CSTPP1: variants seen among roughly 807,000 people sequenced by gnomAD.
The protein encoded by CSTPP1 is UPF0705 protein C11orf49.
chr11:47,110,391 CAGAG>C, the CSTPP1 span, among the ~76,000 whole-genome samples: 18 of 152,148 alleles, frequency 1.2e-4, no homozygotes, highest in Non-Finnish European at 1.9e-4. Flanking sequence ...GGCAGACAGA[CAGAG>C]AGTTTGAGGA....
At chr11:47,026,613 C>A in the CSTPP1 span, among the ~76,000 whole-genome samples, 1 of 152,140 alleles carries the variant, frequency 6.6e-6, no homozygotes, top group African/African-American at 2.4e-5. Context: ...CACGGTGGCT[C>A]ATGCCTGTAA....
At chr11:47,016,349 A>G in the CSTPP1 span, among the ~76,000 whole-genome samples, 2 of 151,356 alleles carry the variant, frequency 1.3e-5, no homozygotes, top group Non-Finnish European at 2.9e-5. Context: ...GTTTGTTCAC[A>G]TAGGACATGA....
At chr11:47,103,399 C>CA in the CSTPP1 span, among the ~76,000 whole-genome samples, 72,121 of 130,872 alleles carry the variant, frequency 0.55, 21,074 homozygotes, top group Non-Finnish European at 0.68. Flanking sequence ...GACCCTGTCT[C>CA]AAAAAAAAAA....
chr11:47,138,912 G>A, the CSTPP1 span, among the ~76,000 whole-genome samples: 11 of 148,396 alleles, frequency 7.4e-5, 1 homozygote, highest in East Asian at 2.1e-4. Context: ...CCTGGGAGGC[G>A]GAGGTTGCAG....
the CSTPP1 span, chr11:46,987,547 T>C: frequency 6.1e-5 from 27 of 439,070 alleles, no homozygotes; most frequent in Non-Finnish European, 4.1e-6. Flanking sequence ...CAACTGCTTG[T>C]TTGATCTATT....
At chr11:47,125,468 C>A in the CSTPP1 span, among the ~76,000 whole-genome samples, 3 of 152,118 alleles carry the variant, frequency 2.0e-5, no homozygotes, top group African/African-American at 7.2e-5. Flanking sequence ...CAGTGAGTAA[C>A]CCCGTTAGCC....
the CSTPP1 span, among the ~76,000 whole-genome samples, chr11:47,090,891 T>C: frequency 1.4e-3 from 211 of 147,524 alleles, no homozygotes; most frequent in Non-Finnish European, 2.2e-3. Context: ...TACAAAAAAT[T>C]AGCCAGGCGC....
the CSTPP1 span, among the ~76,000 whole-genome samples, chr11:46,996,401 T>G: frequency 2.8e-4 from 42 of 152,208 alleles, no homozygotes; most frequent in East Asian, 7.7e-3. Context: ...CCTCCCGGGT[T>G]CACGCCATTC....
the CSTPP1 span, among the ~76,000 whole-genome samples, chr11:47,158,545 G>T: frequency 1.3e-5 from 2 of 151,868 alleles, no homozygotes; most frequent in Non-Finnish European, 2.9e-5. Flanking sequence ...TTTGTTTTTT[G>T]TTTTATTTTG....
chr11:46,968,197 A>ATT, the CSTPP1 span, among the ~76,000 whole-genome samples: 1 of 151,778 alleles, frequency 6.6e-6, no homozygotes, highest in Non-Finnish European at 1.5e-5. Flanking sequence ...GAGTGACTCC[A>ATT]TTTTGGTTTA....
At chr11:47,098,391 TG>T in the CSTPP1 span, among the ~76,000 whole-genome samples, 6 of 151,858 alleles carry the variant, frequency 4.0e-5, no homozygotes, top group Non-Finnish European at 7.4e-5. Flanking sequence ...CATACTACTC[TG>T]GGGAGAAGGC....
chr11:46,956,231 T>A, the CSTPP1 span, among the ~76,000 whole-genome samples: 1 of 151,988 alleles, frequency 6.6e-6, no homozygotes, highest in South Asian at 2.1e-4. Context: ...TAATAGGTAA[T>A]AGGGGAAGGG....
chr11:46,999,663 G>A, the CSTPP1 span, among the ~76,000 whole-genome samples: 3,487 of 152,252 alleles, frequency 0.023, 149 homozygotes, highest in African/African-American at 0.079. Context: ...TGCAACTAGA[G>A]CTGACTATAA....
the CSTPP1 span, among the ~76,000 whole-genome samples, chr11:47,150,511 T>C: frequency 2.6e-5 from 4 of 151,998 alleles, no homozygotes; most frequent in East Asian, 3.9e-4. Flanking sequence ...TGTGAGGAGG[T>C]TTCCGAGAAC....
chr11:46,959,683 T>C, the CSTPP1 span, among the ~76,000 whole-genome samples: 1 of 152,290 alleles, frequency 6.6e-6, no homozygotes, highest in East Asian at 1.9e-4. Context: ...CTTTTCTCAG[T>C]ATAGCCACTT....
chr11:47,138,058 C>A, the CSTPP1 span: 1 of 325,224 alleles, frequency 3.1e-6, no homozygotes, highest in Non-Finnish European at 5.6e-6. Context: ...AGAGGGGCTG[C>A]ATTTGTGTGT....
At chr11:46,936,768 C>T in the CSTPP1 span, 59 of 1,608,112 alleles carry the variant, frequency 3.7e-5, 1 homozygote, top group East Asian at 1.1e-3. Context: ...GTTCCGGAAG[C>T]CGGAGAGCTG....
chr11:47,078,898 G>A, the CSTPP1 span, among the ~76,000 whole-genome samples: 1 of 152,142 alleles, frequency 6.6e-6, no homozygotes, highest in East Asian at 1.9e-4. Context: ...TCCAGTTGAG[G>A]TTAGATAGCA....
At chr11:47,002,325 G>A in the CSTPP1 span, among the ~76,000 whole-genome samples, 1 of 152,170 alleles carries the variant, frequency 6.6e-6, no homozygotes, top group Non-Finnish European at 1.5e-5. Flanking sequence ...CTAGAGGTAT[G>A]CTATAGCAAA....
Sources: allele counts gnomAD v4.1 joint callset (sites outside exome capture counted in the v4.1 genomes callset), GRCh38; gene constraint gnomAD v4.1.1; transcripts MANE v1.5; gene names NCBI Gene and HGNC (gene_info 2026-07-23, HGNC 2026-07-21).